The following PTGS1 variants were observed in gnomAD, a reference collection of about 807,000 sequenced individuals.
The protein encoded by PTGS1 is prostaglandin-endoperoxide synthase 1.
Under a neutral mutation model 63.0 loss-of-function variants are expected in PTGS1, and 40 were observed. That is an observed-to-expected ratio of 0.63 (90% CI 0.49 to 0.83). The LOEUF (loss-of-function observed/expected upper bound fraction) is 0.83. Ranked by LOEUF, PTGS1 falls within the 40% of genes least tolerant of loss-of-function variation. The pLI, the probability that PTGS1 is intolerant of heterozygous loss-of-function variation, is 0.00. For missense variants in PTGS1, 709 were observed against 786.5 expected (o/e 0.90, Z 1.18); for synonymous variants, 298 against 301.9 (o/e 0.99, Z 0.13).
chr9:122,384,136 G>T (rs964931711), intron 8 of PTGS1, among the ~76,000 whole-genome samples: 1 of 152,084 alleles, frequency 6.6e-6, no homozygotes, highest in Non-Finnish European at 1.5e-5. Flanking sequence ...GCACGTGCAG[G>T]GTCAAACTGT....
chr9:122,390,067 T>C lies in PTGS1; in HGVS notation c.1297-131T>C, dbSNP rs112016050. The C allele has an allele frequency of 2.2e-4, 245 of 1,103,718 alleles. No homozygotes were observed. In the African/African-American group the frequency reaches 3.4e-3, roughly 15 times the overall value. The allele number at this position is 1,103,718 out of a possible 1,614,324, so 68.4% of individuals were successfully genotyped here. A position where few individuals can be genotyped will look rare whatever the true frequency, so the allele number is the denominator to read the frequency against. ...GGCAGGTCTGCAGCATCACAACTGC[T>C]AGGCTGCCCAACACTCTCCATCCTA... On this transcript the variant is annotated intron_variant, in intron 9 of 10. Coordinates refer to ENST00000362012, the MANE Select transcript of PTGS1 (RefSeq NM_000962.4).
chr9:122,373,018 G>A (rs148785843), intron 2 of PTGS1, among the ~76,000 whole-genome samples: 12 of 152,256 alleles, frequency 7.9e-5, no homozygotes, highest in South Asian at 2.1e-4. Flanking sequence ...AGGGGTGTGC[G>A]GAGCTCAGGG....
chr9:122,391,728 G>A (rs909250578), intron 10 of PTGS1, among the ~76,000 whole-genome samples: 4 of 151,978 alleles, frequency 2.6e-5, no homozygotes, highest in African/African-American at 9.7e-5. Flanking sequence ...CCCGGGGGCA[G>A]AAGGAACACT....
chr9:122,388,427 C>T (rs1564144218), intron 9 of PTGS1, among the ~76,000 whole-genome samples: 1 of 152,202 alleles, frequency 6.6e-6, no homozygotes, highest in Admixed American at 6.5e-5. Flanking sequence ...GTGACCAATA[C>T]TGAGATAACA....
intron 8 of PTGS1, 121 bp downstream of exon 8, chr9:122,383,876 C>T: frequency 2.2e-6 from 3 of 1,372,620 alleles, no homozygotes; most frequent in Non-Finnish European, 2.9e-6. Context: ...TGCTTAGTGG[C>T]TAGAAGACCT....
chr9:122,390,278 G>T lies in PTGS1; in HGVS notation c.1377G>T (p.Leu459=). 6.2e-7 allele frequency: 1 copy of T among 1,614,176 alleles called. No individual in the cohort carries two copies. Among genetic ancestry groups the T allele is most frequent in the African/African-American group, 1.3e-5 (1 of 75,044 alleles). The change falls in exon 10 of 11, where the codon CTG becomes CTT. Residue 459 remains leucine (L), a synonymous_variant. Transcript: ENST00000362012. ...TCAGGGAGTCTCGGGAGATGCGGCTGCAGCCCTTCAATGAGTACCGCAAGA... is the reference window on the plus strand; with the variant it reads ...TCAGGGAGTCTCGGGAGATGCGGCTTCAGCCCTTCAATGAGTACCGCAAGA... ...DVIRESREMR[L]QPFNEYRKRF... is the part of the protein sequence containing the mutation.
At chr9:122,391,420 T>TATAC (rs1838271075) in intron 10 of PTGS1, among the ~76,000 whole-genome samples, 1 of 32,460 alleles carries the variant, frequency 3.1e-5, no homozygotes, top group Non-Finnish European at 6.3e-5. Flanking sequence ...CATATATATA[T>TATAC]ATATATACAT....
chr9:122,379,630 T>G (rs1837395499), intron 5 of PTGS1, among the ~76,000 whole-genome samples: 1 of 152,172 alleles, frequency 6.6e-6, no homozygotes, highest in Admixed American at 6.5e-5. Flanking sequence ...ACTGTGACGG[T>G]TTTCCATCAT....
chr9:122,388,150 C>T (rs935535764), intron 9 of PTGS1, among the ~76,000 whole-genome samples: 2 of 152,292 alleles, frequency 1.3e-5, no homozygotes, highest in East Asian at 1.9e-4. Flanking sequence ...GCCCCGGCGT[C>T]GTACCTGGCA....
intron 2 of PTGS1, among the ~76,000 whole-genome samples, chr9:122,377,441 G>A (rs965219535): frequency 4.6e-5 from 7 of 152,022 alleles, no homozygotes; most frequent in East Asian, 1.9e-4. Context: ...AGAAGTCCCC[G>A]TCCTCGTCCT....
At position 122,383,769 on chromosome 9, in the gene PTGS1, A is replaced by T; in HGVS notation, c.1009+14A>T. 1 of 1,601,668 alleles carries T rather than the reference A, an allele frequency of 6.2e-7. No homozygotes were observed. On this transcript the variant is annotated intron_variant, in intron 8 of 10. Coordinates refer to ENST00000362012, the MANE Select transcript of PTGS1 (RefSeq NM_000962.4). ...TCATCCTCATAGGTGAGGACTCCAG[A>T]CCTGCCCTGCCCTGGAAGGTCATTC...
In PTGS1 at chr9:122,392,035, T is replaced by G. The variant is rs10306182; in HGVS notation, c.1445-154T>G. Among the ~76,000 whole-genome samples the G allele has an allele frequency of 0.077, 11,726 of 152,134 alleles. 1,387 individuals carry two copies. The highest frequency in any genetic ancestry group is 0.26 in the African/African-American group (10,691 of 41,458). On this transcript the variant is annotated intron_variant, in intron 10 of 10. Transcript: ENST00000362012. ...TGACCCTTTTCCCCAGTGCCAACCATGCCAAATTCTAGGGCACATGCTCAG... is the reference window on the plus strand; with the variant it reads ...TGACCCTTTTCCCCAGTGCCAACCAGGCCAAATTCTAGGGCACATGCTCAG...
At chr9:122,372,958 G>C (rs1836894825) in intron 2 of PTGS1, 1 of 152,578 alleles carries the variant, frequency 6.6e-6, no homozygotes, top group Non-Finnish European at 1.5e-5. Context: ...CCAGGGCTGT[G>C]CGGAGCTCAT....
chr9:122,391,422 T>C (rs758619612), intron 10 of PTGS1, among the ~76,000 whole-genome samples: 18 of 29,554 alleles, frequency 6.1e-4, no homozygotes, highest in East Asian at 3.6e-3. Flanking sequence ...TATATATATA[T>C]ATATACATAT....
chr9:122,392,313 G>T lies in PTGS1; in HGVS notation c.1569G>T (p.Glu523Asp), dbSNP rs201356005. The T allele has an allele frequency of 1.2e-6, 2 of 1,614,178 alleles. No individual in the cohort carries two copies. Among genetic ancestry groups the T allele is most frequent in the Non-Finnish European group, 1.7e-6 (2 of 1,180,032 alleles). Residue 523 changes from glutamate (E) to aspartate (D), a missense_variant, in exon 11 of 11, where the codon GAG becomes GAT. Physicochemically the swap from Glu to Asp is conservative, Grantham distance 45. Coordinates refer to ENST00000362012, the MANE Select transcript of PTGS1 (RefSeq NM_000962.4). The part of the protein sequence containing the change: ...PNSIFGESMI[E>D]IGAPFSLKGL... ...CTATCTTTGGGGAGAGTATGATAGAGATTGGGGCTCCCTTTTCCCTCAAGG... is the reference window on the plus strand; with the variant it reads ...CTATCTTTGGGGAGAGTATGATAGATATTGGGGCTCCCTTTTCCCTCAAGG...
chr9:122,387,103 GA>G (rs1281114486), intron 9 of PTGS1, among the ~76,000 whole-genome samples: 1 of 151,956 alleles, frequency 6.6e-6, no homozygotes, highest in Admixed American at 6.6e-5. Flanking sequence ...AACCATAGTA[GA>G]AAAGCCCACC....
intron 2 of PTGS1, among the ~76,000 whole-genome samples, chr9:122,372,148 C>A (rs1194343592): frequency 6.6e-6 from 1 of 152,152 alleles, no homozygotes; most frequent in Non-Finnish European, 1.5e-5. Context: ...TTTCCTCCAC[C>A]ACCTAGCTGT....
chr9:122,386,599 C>G lies in PTGS1; in HGVS notation c.1163C>G (p.Pro388Arg), dbSNP rs1033598858. The change falls in exon 9 of 11, where the codon CCC (proline) becomes CGC (arginine). Residue 388 changes from proline (P) to arginine (R), a missense_variant. Transcript: ENST00000362012. ...MEFNHLYHWHPLMPDSFKVGS... is the reference protein window; with the variant it reads ...MEFNHLYHWHRLMPDSFKVGS... Reference sequence around the variant, plus strand: ...TTCAACCATCTCTACCACTGGCACCCCCTCATGCCTGACTCCTTCAAGGTG... The same window carrying G: ...TTCAACCATCTCTACCACTGGCACCGCCTCATGCCTGACTCCTTCAAGGTG... 1 of 1,614,108 alleles carries G rather than the reference C, an allele frequency of 6.2e-7. No individual in the cohort carries two copies. Among genetic ancestry groups the G allele is most frequent in the Non-Finnish European group, 8.5e-7 (1 of 1,180,050 alleles).
At chr9:122,387,488 A>C (rs1837941196) in intron 9 of PTGS1, among the ~76,000 whole-genome samples, 1 of 152,196 alleles carries the variant, frequency 6.6e-6, no homozygotes, top group African/African-American at 2.4e-5. Context: ...AAGGTCTTTA[A>C]AGAGGTAATT....
Sources: allele counts gnomAD v4.1 joint callset (sites outside exome capture counted in the v4.1 genomes callset), GRCh38; gene constraint gnomAD v4.1.1; transcripts MANE v1.5; gene names NCBI Gene and HGNC (gene_info 2026-07-23, HGNC 2026-07-21).